Variants in MARCO observed in about 807,000 individuals in gnomAD.
The protein encoded by MARCO is macrophage receptor MARCO.
MARCO carries 72 observed loss-of-function variants against 70.0 expected under a neutral mutation model. That is an observed-to-expected ratio of 1.03 (90% CI 0.85 to 1.25). MARCO has a LOEUF of 1.25. Among genes scored for constraint, MARCO ranks in the 50% most tolerant of loss-of-function variants. The probability of loss-of-function intolerance (pLI) is 0.00; values close to 1 mark genes in which losing one functional copy is unlikely to be tolerated. For synonymous variants in MARCO, 273 were observed against 243.1 expected (o/e 1.12, Z -1.14); for missense variants, 696 against 659.3 (o/e 1.06, Z -0.61).
At position 118,971,527 on chromosome 2, in the gene MARCO, C is replaced by A. The variant is rs772799871; in HGVS notation, c.453C>A (p.Gly151=). ...TGTTCAGAATCAAAGGTGAACAAGG[C>A]GCCCCAGGTAGGTTCATTTCCACTC... ...PGMFRIKGEQ[G]APGLQGHKGA... is the part of the protein sequence containing the mutation. Residue 151 remains glycine (G), a synonymous_variant, in exon 4 of 17, where the codon GGC becomes GGA. Coordinates refer to ENST00000327097, the MANE Select transcript of MARCO (RefSeq NM_006770.4). 1.9e-5 allele frequency: 31 copies of A among 1,613,820 alleles called. No homozygotes were observed. Among genetic ancestry groups the A allele is most frequent in the Non-Finnish European group, 2.4e-5 (28 of 1,179,880 alleles).
chr2:118,970,049 C>A, intron 2 of MARCO, 65 bp from the exon 3 acceptor site: 2 of 1,361,184 alleles, frequency 1.5e-6, no homozygotes, highest in East Asian at 2.3e-5. Flanking sequence ...ACACATGACA[C>A]AAGAATGTCA....
At position 118,971,195 on chromosome 2, in the gene MARCO, G is replaced by A. The variant is rs150147988; in HGVS notation, c.425-304G>A. On this transcript the variant is annotated intron_variant, in intron 3 of 16. Transcript: ENST00000327097. ...TGAAGGAGCTCATTTTGACCAATAC[G>A]AAGGGGTTCTACCTCCTCAGGCTGG... Among the ~76,000 whole-genome samples the A allele has an allele frequency of 1.5e-4, 23 of 152,178 alleles. No homozygotes were observed. The East Asian group carries it at 4.4e-3, about 29-fold the overall frequency.
chr2:118,971,368 C>T (rs1315623809), intron 3 of MARCO, 131 bp from the exon 4 acceptor site: 2 of 880,958 alleles, frequency 2.3e-6, no homozygotes, highest in East Asian at 5.1e-5. Flanking sequence ...GTTGTCCAAA[C>T]CCCCACAGTC....
At chr2:118,983,428 C>T (rs6751745) in intron 12 of MARCO, among the ~76,000 whole-genome samples, 46,746 of 152,022 alleles carry the variant, frequency 0.31, 9,707 homozygotes, top group African/African-American at 0.58. Context: ...TTTTGTGTTT[C>T]TTTGAAAGCT....
At chr2:118,959,058 C>A (rs1679890275) in intron 1 of MARCO, among the ~76,000 whole-genome samples, 1 of 152,210 alleles carries the variant, frequency 6.6e-6, no homozygotes, top group Admixed American at 6.5e-5. Flanking sequence ...TGGGAAAACC[C>A]TTCTAGACAT....
intron 12 of MARCO, among the ~76,000 whole-genome samples, chr2:118,990,029 G>T (rs897036327): frequency 6.6e-6 from 1 of 152,084 alleles, no homozygotes; most frequent in African/African-American, 2.4e-5. Flanking sequence ...ACTACAATAG[G>T]ATCATCATCA....
chr2:118,949,981 T>C (rs1049363802), intron 1 of MARCO: 1 of 152,190 alleles, frequency 6.6e-6, no homozygotes, highest in Non-Finnish European at 1.5e-5. Flanking sequence ...TTCTAAGAAA[T>C]TGATCTTTTG....
intron 1 of MARCO, among the ~76,000 whole-genome samples, chr2:118,964,905 T>G (rs1443604363): frequency 6.8e-6 from 1 of 146,416 alleles, no homozygotes; most frequent in Admixed American, 6.9e-5. Flanking sequence ...AAAAAAAAAG[T>G]ATTCCTTTAT....
intron 14 of MARCO, 118 bp downstream of exon 14, chr2:118,991,993 G>A: frequency 2.6e-6 from 2 of 765,512 alleles, no homozygotes; most frequent in Non-Finnish European, 4.3e-6. Flanking sequence ...AACCCAGGAG[G>A]GTAGAGGTTT....
rs1162714669 is a variant in MARCO at position 118,977,935 on chromosome 2, G to T, written c.766G>T (p.Gly256Ter). ...AGAGAAAGGAGACCTGGGTCTCCCAGGTGAGGGCCGTATTGGGGGTGTCGG... is the reference window on the plus strand; with the variant it reads ...AGAGAAAGGAGACCTGGGTCTCCCATGTGAGGGCCGTATTGGGGGTGTCGG... ...KGEKGDLGLP[G>*]SKGDRGMKGD... Residue 256 changes from glycine (G) to a stop codon, truncating the protein, a stop_gained and splice_region_variant, in exon 8 of 17, where the codon GGA becomes TGA. Transcript: ENST00000327097. LOFTEE classifies it high-confidence loss of function. The T allele has an allele frequency of 6.3e-7, 1 of 1,591,964 alleles. No individual in the cohort carries two copies. Among genetic ancestry groups the T allele is most frequent in the Admixed American group, 1.7e-5 (1 of 58,030 alleles).
intron 1 of MARCO, among the ~76,000 whole-genome samples, chr2:118,946,505 T>C (rs183529056): frequency 3.9e-5 from 6 of 152,340 alleles, no homozygotes; most frequent in African/African-American, 1.4e-4. Flanking sequence ...CCATCCATAG[T>C]TGGCTCTTCT....
intron 8 of MARCO, among the ~76,000 whole-genome samples, chr2:118,979,659 C>T (rs923187867): frequency 3.9e-5 from 6 of 152,148 alleles, no homozygotes; most frequent in South Asian, 2.1e-4. Flanking sequence ...GGCTTGGAAA[C>T]GCTGTGGTTG....
intron 2 of MARCO, 82 bp from the exon 3 acceptor site, chr2:118,970,032 G>A: frequency 8.2e-7 from 1 of 1,212,788 alleles, no homozygotes; most frequent in East Asian, 2.3e-5. Flanking sequence ...GCCTGTAGAA[G>A]TTATGCACAC....
At chr2:118,951,130 G>T (rs1379280161) in intron 1 of MARCO, among the ~76,000 whole-genome samples, 1 of 152,154 alleles carries the variant, frequency 6.6e-6, no homozygotes. Flanking sequence ...TCCTAACTCT[G>T]CTTCTACAAG....
intron 1 of MARCO, among the ~76,000 whole-genome samples, chr2:118,958,710 G>T (rs1679883911): frequency 6.6e-6 from 1 of 152,024 alleles, no homozygotes; most frequent in African/African-American, 2.4e-5. Context: ...ACAAGACTAA[G>T]CAAAAAGAAC....
At chr2:118,945,189 C>A (rs1282285219) in intron 1 of MARCO, among the ~76,000 whole-genome samples, 3 of 152,040 alleles carry the variant, frequency 2.0e-5, no homozygotes, top group Non-Finnish European at 2.9e-5. Flanking sequence ...AACAATGGAA[C>A]ATTTGGGCTT....
At chr2:118,982,495 C>A in intron 12 of MARCO, 85 bp downstream of exon 12, 1 of 1,305,344 alleles carries the variant, frequency 7.7e-7, no homozygotes, top group Non-Finnish European at 1.1e-6. Context: ...CTTAGGCCCA[C>A]GGAGGAGGCA....
chr2:118,986,357 T>TAA (rs11395268), intron 12 of MARCO, among the ~76,000 whole-genome samples: 1 of 142,910 alleles, frequency 7.0e-6, no homozygotes, highest in Admixed American at 6.8e-5. Flanking sequence ...CTACAAAACA[T>TAA]AAAAAAATTA....
At chr2:118,982,953 T>C (rs187173336) in intron 12 of MARCO, among the ~76,000 whole-genome samples, 1 of 152,344 alleles carries the variant, frequency 6.6e-6, no homozygotes, top group Non-Finnish European at 1.5e-5. Context: ...ATTGTACCAA[T>C]ATAGTCTACT....
Sources: allele counts gnomAD v4.1 joint callset (sites outside exome capture counted in the v4.1 genomes callset), GRCh38; gene constraint gnomAD v4.1.1; transcripts MANE v1.5; gene names NCBI Gene and HGNC (gene_info 2026-07-23, HGNC 2026-07-21).